AK5: variants seen among roughly 807,000 people sequenced by gnomAD.
The protein encoded by AK5 is adenylate kinase 5.
In AK5, 27 loss-of-function variants were observed where a neutral mutation model predicts 69.5. That is an observed-to-expected ratio of 0.39 (90% CI 0.29 to 0.54). AK5 has a LOEUF of 0.54. Ranked by LOEUF, AK5 falls within the 20% of genes least tolerant of loss-of-function variation. The probability of loss-of-function intolerance (pLI) is 0.71; values close to 1 mark genes in which losing one functional copy is unlikely to be tolerated. For missense variants in AK5, 531 were observed against 700.4 expected, an observed-to-expected ratio of 0.76 and a Z score of 2.73; for synonymous variants, 260 against 244.4, an observed-to-expected ratio of 1.06 and a Z score of -0.60.
intron 10 of AK5, among the ~76,000 whole-genome samples, chr1:77,488,813 C>T (rs1305221658): frequency 1.3e-5 from 2 of 152,222 alleles, no homozygotes; most frequent in Non-Finnish European, 2.9e-5. Flanking sequence ...CTGCCTTCCT[C>T]AGACCACTGA....
chr1:77,319,994 C>A (rs1660443198), intron 5 of AK5, among the ~76,000 whole-genome samples: 1 of 152,118 alleles, frequency 6.6e-6, no homozygotes, highest in African/African-American at 2.4e-5. Flanking sequence ...CAGAAATACC[C>A]AAGACTGGTA....
intron 10 of AK5, among the ~76,000 whole-genome samples, chr1:77,498,173 T>C (rs565201537): frequency 6.6e-6 from 1 of 152,180 alleles, no homozygotes; most frequent in Admixed American, 6.5e-5. Context: ...GGAGGAAAAT[T>C]TTCTTCTGGG....
intron 8 of AK5, among the ~76,000 whole-genome samples, chr1:77,441,969 G>A (rs984486379): frequency 4.6e-5 from 7 of 152,182 alleles, no homozygotes; most frequent in African/African-American, 7.2e-5. Context: ...TTGGGTTGTA[G>A]CTGTGATTCT....
In AK5 at chr1:77,499,869, C is replaced by CTTTTTTTTTTTTTTTTTTT. The variant is rs749712310; in HGVS notation, c.1147+13517_1147+13518insTTTTTTTTTTTTTTTTTTT. 6.3e-5 allele frequency among the ~76,000 whole-genome samples: 5 copies of CTTTTTTTTTTTTTTTTTTT among 78,768 alleles called. 1 individual carries two copies. Among genetic ancestry groups the CTTTTTTTTTTTTTTTTTTT allele is most frequent in the Admixed American group, 2.0e-4 (1 of 5,068 alleles). The allele number at this position is 78,768 out of a possible 152,430, so 51.7% of individuals were successfully genotyped here. On this transcript the variant is annotated intron_variant, in intron 10 of 13. Coordinates refer to ENST00000354567, the MANE Select transcript of AK5 (RefSeq NM_174858.3). Reference sequence around the variant, plus strand: ...GATGACAGAGACCATGCCCTTTTTCCATTTTTTTTTTTTTTTTTTTTTTTT... The same window carrying CTTTTTTTTTTTTTTTTTTT: ...GATGACAGAGACCATGCCCTTTTTCCTTTTTTTTTTTTTTTTTTTATTTTTTTTTTTTTTTTTTTTTTTT...
At chr1:77,417,749 A>G (rs767730655) in intron 8 of AK5, 34 bp downstream of exon 8, 2 of 1,367,904 alleles carry the variant, frequency 1.5e-6, no homozygotes, top group South Asian at 2.5e-5. Flanking sequence ...CTCTATTTAA[A>G]TGTTTTTAAG....
intron 8 of AK5, among the ~76,000 whole-genome samples, chr1:77,462,086 T>C (rs1354615244): frequency 2.6e-5 from 4 of 152,254 alleles, no homozygotes; most frequent in Non-Finnish European, 4.4e-5. Flanking sequence ...TTTCTGACTT[T>C]ATGCTTTCTA....
intron 7 of AK5, among the ~76,000 whole-genome samples, chr1:77,416,252 A>T (rs1353968302): frequency 2.6e-5 from 4 of 152,102 alleles, no homozygotes; most frequent in African/African-American, 9.7e-5. Flanking sequence ...AAAGTTTCCC[A>T]CCTCTACCTT....
At chr1:77,444,909 A>G (rs576519079) in intron 8 of AK5, among the ~76,000 whole-genome samples, 2 of 151,824 alleles carry the variant, frequency 1.3e-5, no homozygotes, top group African/African-American at 2.4e-5. Context: ...GATTCCACAT[A>G]TAAGTGAGAG....
intron 8 of AK5, among the ~76,000 whole-genome samples, chr1:77,470,062 G>A (rs1381865492): frequency 3.9e-5 from 6 of 152,116 alleles, no homozygotes; most frequent in Admixed American, 1.3e-4. Flanking sequence ...TCTCCTTAAG[G>A]GAGTTAAAAC....
At chr1:77,329,126 G>A (rs537025623) in intron 5 of AK5, among the ~76,000 whole-genome samples, 8 of 149,416 alleles carry the variant, frequency 5.4e-5, no homozygotes, top group East Asian at 2.0e-4. Context: ...CAGATGGAGC[G>A]CAGCTTTTCA....
intron 8 of AK5, among the ~76,000 whole-genome samples, chr1:77,446,809 G>A (rs981480113): frequency 1.3e-5 from 2 of 152,184 alleles, no homozygotes; most frequent in Non-Finnish European, 2.9e-5. Flanking sequence ...AAATTAAAAT[G>A]TGCCATTCCC....
chr1:77,458,630 A>G (rs922878595), intron 8 of AK5, among the ~76,000 whole-genome samples: 2 of 152,304 alleles, frequency 1.3e-5, no homozygotes, highest in Non-Finnish European at 2.9e-5. Context: ...GCTTGTGCAG[A>G]GAAACTCCTG....
chr1:77,514,965 C>T (rs1265426950), intron 10 of AK5, among the ~76,000 whole-genome samples: 1 of 152,192 alleles, frequency 6.6e-6, no homozygotes. Context: ...GCCACTTGCA[C>T]CCCTTAGTCA....
At chr1:77,423,781 C>G (rs1651009484) in intron 8 of AK5, among the ~76,000 whole-genome samples, 1 of 151,818 alleles carries the variant, frequency 6.6e-6, no homozygotes, top group African/African-American at 2.4e-5. Flanking sequence ...CAGGTCCTCA[C>G]AGTGAATATC....
intron 8 of AK5, among the ~76,000 whole-genome samples, chr1:77,470,500 G>A (rs1007383031): frequency 5.3e-5 from 8 of 152,018 alleles, no homozygotes; most frequent in African/African-American, 1.9e-4. Context: ...GTGAGACCCT[G>A]ACTCAAATAA....
intron 6 of AK5, among the ~76,000 whole-genome samples, chr1:77,367,893 G>A (rs374979675): frequency 1.1e-3 from 8 of 7,562 alleles, no homozygotes; most frequent in East Asian, 0.019. Flanking sequence ...AAATATATGT[G>A]ATATATATTA....
intron 8 of AK5, among the ~76,000 whole-genome samples, chr1:77,426,311 A>G (rs145426597): frequency 6.6e-6 from 1 of 152,208 alleles, no homozygotes; most frequent in African/African-American, 2.4e-5. Flanking sequence ...ACGCTAATCA[A>G]AAGAAAGCAG....
intron 5 of AK5, among the ~76,000 whole-genome samples, chr1:77,309,394 C>T (rs538346875): frequency 6.6e-6 from 1 of 152,176 alleles, no homozygotes; most frequent in Admixed American, 6.5e-5. Flanking sequence ...CCTGTCTACA[C>T]GTTCGACATG....
chr1:77,289,629 A>G (rs541271962), intron 2 of AK5, among the ~76,000 whole-genome samples: 105 of 152,272 alleles, frequency 6.9e-4, no homozygotes, highest in Non-Finnish European at 1.3e-3. Flanking sequence ...TGATACTATG[A>G]TTGTACACAG....
Sources: gnomAD v4.1 joint callset for allele counts (sites outside exome capture counted in the v4.1 genomes callset) on GRCh38, gnomAD v4.1.1 for gene constraint, MANE v1.5 for transcripts, NCBI Gene and HGNC (gene_info 2026-07-23, HGNC 2026-07-21) for gene names.